The following TASP1 variants were observed in gnomAD, a reference collection of about 807,000 sequenced individuals.
The protein encoded by TASP1 is threonine aspartase 1.
In TASP1, 16 loss-of-function variants were observed where a neutral mutation model predicts 56.6. The ratio of observed to expected loss-of-function variants is 0.28; its 90% confidence interval spans 0.19 to 0.43. The LOEUF is 0.43. Ranked by LOEUF, TASP1 falls within the 20% of genes least tolerant of loss-of-function variation. The pLI is 1.00. For synonymous variants in TASP1, 179 were observed against 184.2 expected (o/e 0.97, Z 0.23); for missense variants, 393 against 511.6 (o/e 0.77, Z 2.24).
intron 10 of TASP1, among the ~76,000 whole-genome samples, chr20:13,516,894 G>A (rs1362663474): frequency 6.6e-6 from 1 of 152,042 alleles, no homozygotes; most frequent in Non-Finnish European, 1.5e-5. Context: ...CTCTTCTAGA[G>A]GTTAGGGGCT....
intron 12 of TASP1, among the ~76,000 whole-genome samples, chr20:13,429,883 C>A (rs2146149265): frequency 6.6e-6 from 1 of 152,146 alleles, no homozygotes; most frequent in African/African-American, 2.4e-5. Flanking sequence ...GCCCTTTCTT[C>A]TTTCGGGAAG....
chr20:13,192,706 C>G, the TASP1 span, among the ~76,000 whole-genome samples: 2 of 151,738 alleles, frequency 1.3e-5, no homozygotes, highest in Non-Finnish European at 2.9e-5. Context: ...ATTCATTTGA[C>G]GACTTTATTT....
At chr20:13,386,984 C>T (rs989251612), downstream of TASP1, among the ~76,000 whole-genome samples, 2 of 151,850 alleles carry the variant, frequency 1.3e-5, no homozygotes, top group Non-Finnish European at 2.9e-5. Context: ...AGCATAGGAC[C>T]CGATAGGTGG....
rs369057791 is a variant in TASP1 at position 13,404,368 on chromosome 20, C to T, written c.1170+13080G>A. ...TTGTAATCTCAGTGCTTTGGGAGGC[C>T]GAGGCGGGAGTATTGCTTGAGGCCA... On this transcript the variant is annotated intron_variant, in intron 13 of 13. Transcript: ENST00000337743. Among the ~76,000 whole-genome samples the T allele has an allele frequency of 4.6e-5, 7 of 152,228 alleles. No homozygotes were observed. The East Asian group carries it at 7.7e-4, about 17-fold the overall frequency.
chr20:13,614,578 T>G (rs2048457308), intron 4 of TASP1: 2 of 185,580 alleles, frequency 1.1e-5, no homozygotes, highest in Admixed American at 6.0e-5. Context: ...AAAAAGGCAC[T>G]GCACATCTGC....
chr20:13,319,304 A>T, the TASP1 span, among the ~76,000 whole-genome samples: 1 of 152,156 alleles, frequency 6.6e-6, no homozygotes, highest in African/African-American at 2.4e-5. Flanking sequence ...CTGCTGCATG[A>T]ACTAGACACT....
chr20:13,257,576 AGTG>A, the TASP1 span, among the ~76,000 whole-genome samples: 1 of 152,140 alleles, frequency 6.6e-6, no homozygotes. Context: ...CTCTCGAATC[AGTG>A]ATAATCCATT....
chr20:13,581,925 G>C (rs62207614), intron 5 of TASP1, among the ~76,000 whole-genome samples: 1 of 152,076 alleles, frequency 6.6e-6, no homozygotes, highest in Non-Finnish European at 1.5e-5. Flanking sequence ...TTTTAACATG[G>C]AGGCAGCCAA....
intron 11 of TASP1, among the ~76,000 whole-genome samples, chr20:13,456,344 C>T (rs1474418745): frequency 6.6e-6 from 1 of 152,124 alleles, no homozygotes; most frequent in Non-Finnish European, 1.5e-5. Context: ...TCTACCACAA[C>T]AACATCCTGC....
the TASP1 span, among the ~76,000 whole-genome samples, chr20:13,310,447 T>A: frequency 2.0e-5 from 3 of 151,864 alleles, no homozygotes; most frequent in Non-Finnish European, 2.9e-5. Flanking sequence ...AAGACTTAAA[T>A]ATAAGACCTA....
At chr20:13,587,851 C>T (rs977626135) in intron 4 of TASP1, among the ~76,000 whole-genome samples, 4 of 152,038 alleles carry the variant, frequency 2.6e-5, no homozygotes, top group African/African-American at 4.8e-5. Context: ...CCAGGCCAGG[C>T]GCAGTGGCTC....
chr20:13,303,605 G>A, the TASP1 span, among the ~76,000 whole-genome samples: 1 of 152,226 alleles, frequency 6.6e-6, no homozygotes, highest in Non-Finnish European at 1.5e-5. Context: ...TGTGCAGAGG[G>A]CTTAAGAGTT....
In TASP1 at chr20:13,625,173, T is replaced by C. The variant is rs536333555; in HGVS notation, c.213+12A>G. The stretch of plus-strand genomic sequence containing the variant: ...AACTGCAATGCACAGATCATACACA[T>C]TGTGTTCATACCTTCTGACAAGCTC... On this transcript the variant is annotated intron_variant, in intron 3 of 13. Coordinates refer to ENST00000337743, the MANE Select transcript of TASP1 (RefSeq NM_017714.3). 4.4e-6 allele frequency: 7 copies of C among 1,595,842 alleles called. No homozygotes were observed. Among genetic ancestry groups the C allele is most frequent in the Middle Eastern group, 1.7e-4 (1 of 5,988 alleles).
the TASP1 span, among the ~76,000 whole-genome samples, chr20:13,341,486 A>G: frequency 6.6e-6 from 1 of 152,158 alleles, no homozygotes. Flanking sequence ...AGGGTAACGT[A>G]GTCACAATAT....
At chr20:13,511,874 C>T (rs1023794237) in intron 10 of TASP1, among the ~76,000 whole-genome samples, 7 of 150,746 alleles carry the variant, frequency 4.6e-5, no homozygotes, top group Non-Finnish European at 8.8e-5. Flanking sequence ...TTTGTCCTTG[C>T]GATAGTTTGC....
chr20:13,320,969 C>T, the TASP1 span, among the ~76,000 whole-genome samples: 2 of 152,000 alleles, frequency 1.3e-5, no homozygotes, highest in Admixed American at 6.6e-5. Context: ...GAGGCCGAGG[C>T]TGGTGGATCA....
At chr20:13,500,634 G>GCATT (rs2043911887) in intron 10 of TASP1, among the ~76,000 whole-genome samples, 1 of 151,884 alleles carries the variant, frequency 6.6e-6, no homozygotes, top group African/African-American at 2.4e-5. Context: ...AAGTGAAAAT[G>GCATT]CATTCAGTGG....
the TASP1 span, among the ~76,000 whole-genome samples, chr20:13,160,912 G>A: frequency 2.0e-5 from 3 of 152,170 alleles, no homozygotes; most frequent in South Asian, 2.1e-4. Flanking sequence ...TTTGAGCCAG[G>A]CCTTTTTAAT....
chr20:13,383,399 A>T, the TASP1 span, among the ~76,000 whole-genome samples: 1 of 152,250 alleles, frequency 6.6e-6, no homozygotes, highest in Non-Finnish European at 1.5e-5. Flanking sequence ...TTGTAGAATC[A>T]CAGAAGGAAA....
Sources: gnomAD v4.1 joint callset for allele counts (sites outside exome capture counted in the v4.1 genomes callset) on GRCh38, gnomAD v4.1.1 for gene constraint, MANE v1.5 for transcripts, NCBI Gene and HGNC (gene_info 2026-07-23, HGNC 2026-07-21) for gene names.